SLC24A3: variants seen among roughly 807,000 people sequenced by gnomAD.
SLC24A3 encodes solute carrier family 24 member 3, also known as sodium/potassium/calcium exchanger 3.
SLC24A3 carries 28 observed loss-of-function variants against 75.8 expected under a neutral mutation model. The ratio of observed to expected loss-of-function variants is 0.37; its 90% CI spans 0.27 to 0.51. SLC24A3 has a LOEUF of 0.51. Ranked by LOEUF, SLC24A3 falls within the 20% of genes least tolerant of loss-of-function variation. The pLI is 0.94. For missense variants in SLC24A3, 663 were observed against 847.8 expected (o/e 0.78, Z 2.71); for synonymous variants, 372 against 334.1 (o/e 1.11, Z -1.24).
intron 15 of SLC24A3, among the ~76,000 whole-genome samples, chr20:19,711,076 GAC>G (rs2032982827): frequency 6.6e-6 from 1 of 150,466 alleles, no homozygotes; most frequent in Non-Finnish European, 1.5e-5. Context: ...CACACATGCA[GAC>G]ACACACAGAC....
intron 2 of SLC24A3, among the ~76,000 whole-genome samples, chr20:19,370,322 A>G (rs1049044065): frequency 2.6e-5 from 4 of 152,236 alleles, no homozygotes; most frequent in African/African-American, 4.8e-5. Context: ...GTTGTTTGAT[A>G]AGTGATGTCA....
At chr20:19,417,303 G>GCATT (rs1250143864) in intron 2 of SLC24A3, among the ~76,000 whole-genome samples, 1 of 152,188 alleles carries the variant, frequency 6.6e-6, no homozygotes, top group Non-Finnish European at 1.5e-5. Flanking sequence ...TAAACATAGT[G>GCATT]CATTATATAT....
At chr20:19,688,531 G>T (rs2032707067) in intron 12 of SLC24A3, among the ~76,000 whole-genome samples, 1 of 152,244 alleles carries the variant, frequency 6.6e-6, no homozygotes, top group Non-Finnish European at 1.5e-5. Flanking sequence ...AGCCTGTCGG[G>T]TGCTTCCGGC....
intron 2 of SLC24A3, among the ~76,000 whole-genome samples, chr20:19,497,584 C>T (rs1453635923): frequency 6.9e-6 from 1 of 144,112 alleles, no homozygotes; most frequent in Non-Finnish European, 1.5e-5. Flanking sequence ...ATTTTTTCCC[C>T]TTTGAGCCTG....
At chr20:19,682,608 G>A (rs548873536) in intron 10 of SLC24A3, among the ~76,000 whole-genome samples, 6 of 152,308 alleles carry the variant, frequency 3.9e-5, no homozygotes, top group Non-Finnish European at 8.8e-5. Flanking sequence ...CATGAAGCAG[G>A]TTATGTAACC....
At chr20:19,604,420 G>A (rs2031569202) in intron 6 of SLC24A3, among the ~76,000 whole-genome samples, 1 of 152,196 alleles carries the variant, frequency 6.6e-6, no homozygotes, top group Non-Finnish European at 1.5e-5. Flanking sequence ...GACTCGGTTA[G>A]GGGAACAGAA....
At chr20:19,591,018 C>A (rs1393866510) in intron 6 of SLC24A3, among the ~76,000 whole-genome samples, 3 of 152,194 alleles carry the variant, frequency 2.0e-5, no homozygotes, top group Admixed American at 6.5e-5. Context: ...CTCATAGTTT[C>A]TTTTCTCTGG....
chr20:19,546,145 C>T (rs957096278), intron 3 of SLC24A3, among the ~76,000 whole-genome samples: 4 of 80,804 alleles, frequency 5.0e-5, no homozygotes, highest in Non-Finnish European at 9.8e-5. Flanking sequence ...GGCGACAGAG[C>T]GAGACTCCGT....
At chr20:19,707,366 C>A (rs1038075302) in intron 15 of SLC24A3, among the ~76,000 whole-genome samples, 1 of 152,166 alleles carries the variant, frequency 6.6e-6, no homozygotes, top group African/African-American at 2.4e-5. Flanking sequence ...CAAGAGACTA[C>A]AGAAAAAAAT....
chr20:19,401,103 A>C (rs1480849924), intron 2 of SLC24A3, among the ~76,000 whole-genome samples: 1 of 152,132 alleles, frequency 6.6e-6, no homozygotes, highest in Non-Finnish European at 1.5e-5. Context: ...CCATTTCAGG[A>C]GGGAAAATGA....
At chr20:19,495,555 G>A (rs534014758) in intron 2 of SLC24A3, among the ~76,000 whole-genome samples, 1 of 152,312 alleles carries the variant, frequency 6.6e-6, no homozygotes, top group South Asian at 2.1e-4. Flanking sequence ...GCATAAAAAG[G>A]CTGATTTCAT....
chr20:19,584,100 A>G (rs183011352), intron 4 of SLC24A3, among the ~76,000 whole-genome samples: 12 of 152,370 alleles, frequency 7.9e-5, no homozygotes, highest in Admixed American at 2.0e-4. Flanking sequence ...AGCCAGCAGC[A>G]TACTTTCTGG....
intron 2 of SLC24A3, among the ~76,000 whole-genome samples, chr20:19,441,988 A>G (rs1365762297): frequency 6.6e-6 from 1 of 152,152 alleles, no homozygotes; most frequent in Non-Finnish European, 1.5e-5. Context: ...TCTTTGACTT[A>G]GTAATATGTG....
rs1981652225 is a variant in SLC24A3, at chr20:19,219,570, G to C, written c.142+6586G>C. Among the ~76,000 whole-genome samples the C allele has an allele frequency of 2.6e-5, 4 of 152,020 alleles. No individual in the cohort carries two copies. In the South Asian group the frequency reaches 8.3e-4, roughly 32 times the overall value. On this transcript the variant is annotated intron_variant, in intron 1 of 16. Coordinates refer to ENST00000328041, the MANE Select transcript of SLC24A3 (RefSeq NM_020689.4). The stretch of plus-strand genomic sequence containing the variant: ...TACAGCATGGCATGGAGGAGGCTGT[G>C]GTGGTCAGGAAAAGCTGGAACCTGA...
At chr20:19,309,670 G>A (rs1253915480) in intron 2 of SLC24A3, among the ~76,000 whole-genome samples, 1 of 152,180 alleles carries the variant, frequency 6.6e-6, no homozygotes, top group African/African-American at 2.4e-5. Context: ...TTTCTGGAAG[G>A]ATGAGGGGTT....
chr20:19,656,755 G>A (rs1164222138), intron 7 of SLC24A3, among the ~76,000 whole-genome samples: 2 of 152,200 alleles, frequency 1.3e-5, no homozygotes, highest in African/African-American at 4.8e-5. Flanking sequence ...TGGATCTCCT[G>A]GGAGCACAGA....
chr20:19,318,272 C>T (rs1984629176), intron 2 of SLC24A3, among the ~76,000 whole-genome samples: 1 of 152,198 alleles, frequency 6.6e-6, no homozygotes, highest in African/African-American at 2.4e-5. Context: ...CTATCTTCAC[C>T]TCCCAAATAC....
chr20:19,412,419 T>G (rs1986758618), intron 2 of SLC24A3, among the ~76,000 whole-genome samples: 1 of 146,670 alleles, frequency 6.8e-6, no homozygotes. Context: ...AAGAAGGAGG[T>G]GGAGAAGGAG....
chr20:19,233,109 C>T (rs978528467), intron 1 of SLC24A3, among the ~76,000 whole-genome samples: 2 of 152,234 alleles, frequency 1.3e-5, no homozygotes, highest in Admixed American at 1.3e-4. Flanking sequence ...TTTCTACATA[C>T]TGACTGTTCC....
Sources: gnomAD v4.1 joint callset for allele counts (sites outside exome capture counted in the v4.1 genomes callset) on GRCh38, gnomAD v4.1.1 for gene constraint, MANE v1.5 for transcripts, NCBI Gene and HGNC (gene_info 2026-07-23, HGNC 2026-07-21) for gene names.